Variants in AGAP1 observed in about 807,000 individuals in gnomAD.
AGAP1 encodes arf-GAP with GTPase, ANK repeat and PH domain-containing protein 1.
In AGAP1, 29 loss-of-function variants were observed where a neutral mutation model predicts 105.3. The ratio of observed to expected loss-of-function variants is 0.28; its 90% CI spans 0.21 to 0.38. AGAP1 has a LOEUF of 0.38. Ranked by LOEUF, AGAP1 falls within the 10% of genes least tolerant of loss-of-function variation. AGAP1 has a pLI of 1.00. For missense variants in AGAP1, 998 were observed against 1,165.1 expected (o/e 0.86, Z 2.09); for synonymous variants, 509 against 485.9 (o/e 1.05, Z -0.63).
At chr2:235,840,888 G>A (rs906962966) in intron 9 of AGAP1, among the ~76,000 whole-genome samples, 1 of 151,990 alleles carries the variant, frequency 6.6e-6, no homozygotes, top group Non-Finnish European at 1.5e-5. Flanking sequence ...TGCAATGAGA[G>A]CTAAGGACCA....
In AGAP1 at chr2:235,830,955, C is replaced by T. The variant is rs1448598559; in HGVS notation, c.1050+23624C>T. On this transcript the variant is annotated intron_variant, in intron 9 of 17. Coordinates refer to ENST00000304032, the MANE Select transcript of AGAP1 (RefSeq NM_001037131.3). The surrounding 1 kb of genome is among the most constrained non-coding windows in gnomAD (Gnocchi z 5.5). ...CTCCTGTGAGAATGCTGATGGGTGC[C>T]GCCTCCTCACCTGTGTGTCGCAGGT... Among the ~76,000 whole-genome samples the T allele has an allele frequency of 1.3e-5, 2 of 151,976 alleles. No homozygotes were observed. The highest frequency in any genetic ancestry group is 2.4e-5 in the African/African-American group (1 of 41,354).
At position 235,517,937 on chromosome 2, in the gene AGAP1, AAAAAAAAAAAG is replaced by A. The variant is rs1342567491; in HGVS notation, c.163+23100_163+23110del. Among the ~76,000 whole-genome samples, 3 of 101,866 alleles carry A rather than the reference AAAAAAAAAAAG, an allele frequency of 2.9e-5. No individual in the cohort carries two copies. The highest frequency in any genetic ancestry group is 5.6e-5 in the Non-Finnish European group (3 of 53,782). 66.8% of individuals were successfully genotyped at this position (101,866 alleles called of 152,430 possible). A position where few individuals can be genotyped will look rare whatever the true frequency, so the allele number is the denominator to read the frequency against. On this transcript the variant is annotated intron_variant, in intron 1 of 17. Coordinates refer to ENST00000304032, the MANE Select transcript of AGAP1 (RefSeq NM_001037131.3). The surrounding 1 kb of genome is among the most constrained non-coding windows in gnomAD (Gnocchi z 4.1). ...GACAGAGTGAGACTCCGTTTCAAAA[AAAAAAAAAAAG>A]AAAAAAAAAAGGTAGAACTCATAGT...
At chr2:236,054,282 CAA>C (rs774430571) in intron 16 of AGAP1, among the ~76,000 whole-genome samples, 100 of 152,258 alleles carry the variant, frequency 6.6e-4, no homozygotes, top group Non-Finnish European at 1.3e-3. Flanking sequence ...CATAAGATCA[CAA>C]TGTAGTAATC....
chr2:235,513,210 T>A (rs533270545), intron 1 of AGAP1, among the ~76,000 whole-genome samples: 1 of 152,048 alleles, frequency 6.6e-6, no homozygotes, highest in South Asian at 2.1e-4. Context: ...ACGTTTTAAC[T>A]GAGGGTGGGT....
chr2:235,783,632 A>G (rs920810188), intron 6 of AGAP1, among the ~76,000 whole-genome samples: 1 of 152,192 alleles, frequency 6.6e-6, no homozygotes, highest in African/African-American at 2.4e-5. Flanking sequence ...CACGCACAGA[A>G]AAGAATGATT....
intron 1 of AGAP1, among the ~76,000 whole-genome samples, chr2:235,504,979 T>C (rs1941733221): frequency 6.6e-6 from 1 of 152,220 alleles, no homozygotes; most frequent in Non-Finnish European, 1.5e-5. Context: ...CCTCTGGGAC[T>C]GGAACAGGGG....
At position 235,788,349 on chromosome 2, in the gene AGAP1, C is replaced by T. The variant is rs1032399050; in HGVS notation, c.674-9410C>T. ...GAGGATTTTAATTCAGGAAAGTCCA[C>T]CAAAAGGATAAACAGCTAGGAGCCC... On this transcript the variant is annotated intron_variant, in intron 6 of 17. Transcript: ENST00000304032. The surrounding 1 kb of genome is among the most constrained non-coding windows in gnomAD (Gnocchi z 6.0). 2.6e-5 allele frequency among the ~76,000 whole-genome samples: 4 copies of T among 152,026 alleles called. No individual in the cohort carries two copies. The highest frequency in any genetic ancestry group is 5.9e-5 in the Non-Finnish European group (4 of 67,990).
rs1479646380 is a variant in AGAP1 at position 235,737,006 on chromosome 2, A to C, written c.311-3957A>C. On this transcript the variant is annotated intron_variant, in intron 3 of 17. Transcript: ENST00000304032. The surrounding 1 kb of genome is among the most constrained non-coding windows in gnomAD (Gnocchi z 4.5). ...ATCCTAAGGCTCTCCTTCTGTGGTT[A>C]AAGTGGTTCAAGTGTAGAAAATGAA... 6.6e-6 allele frequency among the ~76,000 whole-genome samples: 1 copy of C among 152,318 alleles called. No homozygotes were observed. The highest frequency in any genetic ancestry group is 2.1e-4 in the South Asian group (1 of 4,824).
intron 1 of AGAP1, among the ~76,000 whole-genome samples, chr2:235,682,096 G>A (rs1030149952): frequency 1.3e-5 from 2 of 151,696 alleles, no homozygotes; most frequent in Non-Finnish European, 2.9e-5. Flanking sequence ...TGTGATCCAC[G>A]CATCTTGGCC....
At position 235,951,744 on chromosome 2, in the gene AGAP1, A is replaced by G. The variant is rs2053748634; in HGVS notation, c.1484-16718A>G. Among the ~76,000 whole-genome samples, 1 of 152,184 alleles carries G rather than the reference A, an allele frequency of 6.6e-6. No homozygotes were observed. The highest frequency in any genetic ancestry group is 6.5e-5 in the Admixed American group (1 of 15,282). ...TAAACATTTCCTCCTATCCTGGATG[A>G]CTGGAGCCTTGGGCTGCAGATGAGT... is the stretch of plus-strand genomic sequence containing the variant. On this transcript the variant is annotated intron_variant, in intron 12 of 17. Coordinates refer to ENST00000304032, the MANE Select transcript of AGAP1 (RefSeq NM_001037131.3). This position sits in a 1 kb window ranked among gnomAD's most constrained non-coding sequence, Gnocchi z 4.2.
intron 13 of AGAP1, among the ~76,000 whole-genome samples, chr2:235,974,469 TC>T (rs963320469): frequency 2.0e-5 from 3 of 152,214 alleles, no homozygotes; most frequent in African/African-American, 4.8e-5. Context: ...CCTGGTGTTA[TC>T]CCCCCCTTGG....
At chr2:235,634,052 A>C (rs1239370808) in intron 1 of AGAP1, among the ~76,000 whole-genome samples, 1 of 152,114 alleles carries the variant, frequency 6.6e-6, no homozygotes, top group African/African-American at 2.4e-5. Context: ...TGGTGCCCTG[A>C]TTTTCTAAAG....
chr2:235,671,458 C>G (rs1322594155), intron 1 of AGAP1, among the ~76,000 whole-genome samples: 2 of 152,192 alleles, frequency 1.3e-5, no homozygotes, highest in East Asian at 3.9e-4. Context: ...GTGCGGCTGC[C>G]TGGATGGGAG....
rs559298366 is a variant in AGAP1, at chr2:235,855,263, A to G, written c.1051-28082A>G. Among the ~76,000 whole-genome samples, 1 of 152,230 alleles carries G rather than the reference A, an allele frequency of 6.6e-6. No individual in the cohort carries two copies. The highest frequency in any genetic ancestry group is 1.5e-5 in the Non-Finnish European group (1 of 68,046). On this transcript the variant is annotated intron_variant, in intron 9 of 17. Coordinates refer to ENST00000304032, the MANE Select transcript of AGAP1 (RefSeq NM_001037131.3). The surrounding 1 kb of genome is among the most constrained non-coding windows in gnomAD (Gnocchi z 5.0). ...CGTGAGGTCATCCCTGTGATCAGTA[A>G]CAAAAGTCTACCTGGAAAATGGTTA...
chr2:235,944,849 C>T (rs2006313), intron 12 of AGAP1, among the ~76,000 whole-genome samples: 91,302 of 151,972 alleles, frequency 0.6, 28,243 homozygotes, highest in South Asian at 0.75. Context: ...TCTGACCACA[C>T]ATTCTGGAAA....
At chr2:235,746,100 TG>T (rs1347144357) in intron 5 of AGAP1, among the ~76,000 whole-genome samples, 14 of 152,076 alleles carry the variant, frequency 9.2e-5, no homozygotes, top group Non-Finnish European at 1.9e-4. Flanking sequence ...CACTCCAGCC[TG>T]GGTGACAGAG....
chr2:235,868,340 C>CT (rs1415068321), intron 9 of AGAP1, among the ~76,000 whole-genome samples: 3 of 152,160 alleles, frequency 2.0e-5, no homozygotes. Context: ...ATTGCGAAAT[C>CT]ACACGTGCAC....
chr2:236,060,239 G>A (rs906478752), intron 16 of AGAP1, among the ~76,000 whole-genome samples: 15 of 152,264 alleles, frequency 9.9e-5, no homozygotes, highest in Non-Finnish European at 1.8e-4. Context: ...TACCTAAAGT[G>A]CAAGCAATAA....
rs576255138 is a variant in AGAP1 at position 235,611,716 on chromosome 2, G to T, written c.164-97463G>T. Among the ~76,000 whole-genome samples, 72 of 152,270 alleles carry T rather than the reference G, an allele frequency of 4.7e-4. No homozygotes were observed. Among genetic ancestry groups the T allele is most frequent in the African/African-American group, 1.7e-3 (70 of 41,544 alleles). Reference sequence around the variant, plus strand: ...AGAGAAAAAACAACCTTGAGTTTCTGTTGAAATCTAGATTTGGTATAACTG... The same window carrying T: ...AGAGAAAAAACAACCTTGAGTTTCTTTTGAAATCTAGATTTGGTATAACTG... On this transcript the variant is annotated intron_variant, in intron 1 of 17. Transcript: ENST00000304032. This position sits in a 1 kb window ranked among gnomAD's most constrained non-coding sequence, Gnocchi z 5.0.
Sources: allele counts gnomAD v4.1 joint callset (sites outside exome capture counted in the v4.1 genomes callset), GRCh38; gene constraint gnomAD v4.1.1; non-coding constraint Gnocchi (gnomAD v3.1); transcripts MANE v1.5; gene names NCBI Gene and HGNC (gene_info 2026-07-23, HGNC 2026-07-21).